The following NRXN1 variants were observed in gnomAD, a reference collection of about 807,000 sequenced individuals.
NRXN1 encodes neurexin 1, also known as neurexin-1.
A neutral mutation model predicts 150.9 loss-of-function variants in NRXN1; 39 were observed. The ratio of observed to expected loss-of-function variants is 0.26; its 90% CI spans 0.20 to 0.34. The LOEUF (loss-of-function observed/expected upper bound fraction) is 0.34, where lower values mean the gene tolerates loss of function less well. Ranked by LOEUF, NRXN1 falls within the 10% of genes least tolerant of loss-of-function variation. The pLI is 1.00. For missense variants in NRXN1, 1,815 were observed against 1,949.9 expected (o/e 0.93, Z 1.30); for synonymous variants, 924 against 757.0 (o/e 1.22, Z -3.62).
At chr2:50,125,659 G>C (rs1045336948) in intron 18 of NRXN1, among the ~76,000 whole-genome samples, 3 of 152,070 alleles carry the variant, frequency 2.0e-5, no homozygotes, top group Non-Finnish European at 4.4e-5. Flanking sequence ...AAGCTTTAAA[G>C]TTAATGAAAT....
intron 21 of NRXN1, among the ~76,000 whole-genome samples, chr2:49,990,099 A>AT (rs767533995): frequency 4.8e-4 from 72 of 148,704 alleles, no homozygotes; most frequent in East Asian, 2.4e-3. Flanking sequence ...CAAGCAATAA[A>AT]TTTAAAAAAA....
intron 2 of NRXN1, among the ~76,000 whole-genome samples, chr2:50,970,770 G>A (rs1303086231): frequency 6.6e-6 from 1 of 151,640 alleles, no homozygotes; most frequent in African/African-American, 2.4e-5. Flanking sequence ...TTGAATAACA[G>A]CCTTTTAATC....
At chr2:50,787,104 A>G (rs898501222) in intron 5 of NRXN1, among the ~76,000 whole-genome samples, 7 of 152,166 alleles carry the variant, frequency 4.6e-5, no homozygotes, top group African/African-American at 1.7e-4. Flanking sequence ...AAAACTGGAA[A>G]GAGATGTCAA....
At chr2:50,327,686 T>C (rs2152980308) in intron 17 of NRXN1, among the ~76,000 whole-genome samples, 1 of 151,628 alleles carries the variant, frequency 6.6e-6, no homozygotes, top group East Asian at 1.9e-4. Flanking sequence ...GTCTCGCTCT[T>C]TCACCCGGGC....
chr2:50,792,896 C>T (rs1706258539), intron 5 of NRXN1, among the ~76,000 whole-genome samples: 1 of 151,852 alleles, frequency 6.6e-6, no homozygotes, highest in Non-Finnish European at 1.5e-5. Context: ...GTAACATAAG[C>T]TGTAAGCAGA....
At chr2:50,451,052 C>T (rs991356930) in intron 17 of NRXN1, among the ~76,000 whole-genome samples, 8 of 152,120 alleles carry the variant, frequency 5.3e-5, no homozygotes, top group African/African-American at 1.7e-4. Flanking sequence ...CTGCAACCTC[C>T]GCCTCTCGGA....
chr2:51,027,308 A>G (rs549829455), intron 2 of NRXN1, among the ~76,000 whole-genome samples, 194 bp downstream of exon 2: 3 of 152,308 alleles, frequency 2.0e-5, no homozygotes, highest in East Asian at 3.9e-4. Flanking sequence ...GGGGGCTGCC[A>G]ATCCTTAGGA....
chr2:50,447,034 G>C (rs1573003593), intron 17 of NRXN1, among the ~76,000 whole-genome samples: 4 of 151,976 alleles, frequency 2.6e-5, no homozygotes. Flanking sequence ...CTACATTTTA[G>C]ATCTCTCTAA....
In NRXN1 at chr2:50,080,015, T is replaced by C. The variant is rs1425571325; in HGVS notation, c.3718+11308A>G. Among the ~76,000 whole-genome samples, 5 of 152,232 alleles carry C rather than the reference T, an allele frequency of 3.3e-5. No individual in the cohort carries two copies. The East Asian group carries it at 9.6e-4, about 29-fold the overall frequency. ...CAATTTAAATAATAAAGTTTTAAATTGCATGCCATTCTGAGTAGCAAGATA... is the reference window on the plus strand; with the variant it reads ...CAATTTAAATAATAAAGTTTTAAATCGCATGCCATTCTGAGTAGCAAGATA... On this transcript the variant is annotated intron_variant, in intron 19 of 22. Coordinates refer to ENST00000401669, the MANE Select transcript of NRXN1 (RefSeq NM_001330078.2).
At chr2:50,117,764 C>T (rs1258159377) in intron 18 of NRXN1, among the ~76,000 whole-genome samples, 1 of 141,000 alleles carries the variant, frequency 7.1e-6, no homozygotes, top group Non-Finnish European at 1.5e-5. Flanking sequence ...CATAAAGCCT[C>T]AGGCTGTCAG....
chr2:50,643,496 C>T (rs2104497202), intron 5 of NRXN1, among the ~76,000 whole-genome samples: 1 of 151,962 alleles, frequency 6.6e-6, no homozygotes, highest in East Asian at 1.9e-4. Flanking sequence ...AGAAAACATT[C>T]CTGACTCCAA....
chr2:50,677,525 G>A (rs1689724447), intron 5 of NRXN1, among the ~76,000 whole-genome samples: 1 of 152,026 alleles, frequency 6.6e-6, no homozygotes, highest in Non-Finnish European at 1.5e-5. Flanking sequence ...AAATTTACTG[G>A]CCTAATTCAG....
intron 5 of NRXN1, among the ~76,000 whole-genome samples, chr2:50,749,974 T>G (rs993173027): frequency 1.3e-5 from 2 of 152,022 alleles, no homozygotes; most frequent in African/African-American, 4.8e-5. Context: ...TTCAGATTCG[T>G]GGTTTTAAAA....
intron 8 of NRXN1, among the ~76,000 whole-genome samples, chr2:50,569,490 G>A (rs1670342210): frequency 6.6e-6 from 1 of 151,814 alleles, no homozygotes; most frequent in Non-Finnish European, 1.5e-5. Context: ...AAATTTTACA[G>A]AAACCAGTCA....
chr2:50,789,411 A>T (rs973678392), intron 5 of NRXN1, among the ~76,000 whole-genome samples: 2 of 152,226 alleles, frequency 1.3e-5, no homozygotes, highest in African/African-American at 2.4e-5. Flanking sequence ...CTACAGGGCA[A>T]TCACAACTGT....
chr2:50,189,083 C>T (rs2061280922), intron 18 of NRXN1, among the ~76,000 whole-genome samples: 1 of 152,136 alleles, frequency 6.6e-6, no homozygotes, highest in Non-Finnish European at 1.5e-5. Context: ...TTTATTGCAG[C>T]ACTGTTCACA....
At chr2:50,821,361 T>C (rs1188086430) in intron 5 of NRXN1, among the ~76,000 whole-genome samples, 1 of 152,188 alleles carries the variant, frequency 6.6e-6, no homozygotes, top group Non-Finnish European at 1.5e-5. Context: ...CTTCTTCCAA[T>C]GTGGTGAAGG....
At chr2:51,011,513 G>A (rs1173480126) in intron 2 of NRXN1, among the ~76,000 whole-genome samples, 1 of 151,986 alleles carries the variant, frequency 6.6e-6, no homozygotes, top group East Asian at 1.9e-4. Flanking sequence ...CACAGAGAAG[G>A]AGACCTTACA....
chr2:50,232,052 T>C (rs56765009), intron 18 of NRXN1, among the ~76,000 whole-genome samples: 1,612 of 152,186 alleles, frequency 0.011, 30 homozygotes, highest in African/African-American at 0.037. Context: ...ACACAAATAC[T>C]ATACAAGTAA....
Sources: allele counts gnomAD v4.1 joint callset (sites outside exome capture counted in the v4.1 genomes callset), GRCh38; gene constraint gnomAD v4.1.1; transcripts MANE v1.5; gene names NCBI Gene and HGNC (gene_info 2026-07-23, HGNC 2026-07-21).